Variants in NEDD4 observed in about 807,000 individuals in gnomAD.
NEDD4 encodes NEDD4 E3 ubiquitin protein ligase, also known as E3 ubiquitin-protein ligase NEDD4.
Under a neutral mutation model 144.9 loss-of-function variants are expected in NEDD4, and 99 were observed. The ratio of observed to expected loss-of-function variants is 0.68; its 90% confidence interval spans 0.58 to 0.81. NEDD4 has a LOEUF of 0.81. Among genes scored for constraint, NEDD4 ranks in the 30% least tolerant of loss-of-function variants. The pLI is 0.00. For synonymous variants in NEDD4, 318 were observed against 350.6 expected (o/e 0.91, Z 1.04); for missense variants, 985 against 1,065.9 (o/e 0.92, Z 1.06).
intron 5 of NEDD4, among the ~76,000 whole-genome samples, chr15:55,899,393 A>G (rs1278348252): frequency 5.9e-5 from 9 of 152,246 alleles, no homozygotes; most frequent in African/African-American, 2.2e-4. Flanking sequence ...TGATCTATAA[A>G]CAGTTTTTAA....
At chr15:55,981,222 T>C (rs2037798345) in intron 1 of NEDD4, among the ~76,000 whole-genome samples, 1 of 152,018 alleles carries the variant, frequency 6.6e-6, no homozygotes, top group Admixed American at 6.6e-5. Context: ...CTTGTATTTT[T>C]AGTAGAGACA....
In NEDD4 at chr15:55,852,404, G is replaced by C; in HGVS notation, c.1146+20C>G. ...CAGTTTAAATCCTGTAAGAAAGCAA[G>C]TTGATAGATTACAGGATACCTGTAC... On this transcript the variant is annotated intron_variant, in intron 13 of 28. Transcript: ENST00000435532. 1 of 1,597,866 alleles carries C rather than the reference G, an allele frequency of 6.3e-7. No individual in the cohort carries two copies. The highest frequency in any genetic ancestry group is 8.5e-7 in the Non-Finnish European group (1 of 1,170,988).
At chr15:55,935,801 C>A (rs1036423998) in intron 4 of NEDD4, among the ~76,000 whole-genome samples, 9 of 145,834 alleles carry the variant, frequency 6.2e-5, no homozygotes, top group Non-Finnish European at 7.4e-5. Context: ...GAGTTGAGAT[C>A]GTGCCACTAC....
intron 5 of NEDD4, among the ~76,000 whole-genome samples, chr15:55,875,771 G>C (rs1442120471): frequency 2.6e-5 from 4 of 152,006 alleles, no homozygotes; most frequent in South Asian, 2.1e-4. Flanking sequence ...GGAACTTGTG[G>C]AAAAATTTCA....
chr15:55,848,744 C>A (rs2033854085), intron 15 of NEDD4, 62 bp downstream of exon 15: 2 of 1,462,342 alleles, frequency 1.4e-6, no homozygotes, highest in South Asian at 1.2e-5. Flanking sequence ...AAATACTATA[C>A]CCGAAAATGC....
rs750324121 is a variant in NEDD4 at position 55,924,730 on chromosome 15, A to C, written c.238-31T>G. 1.9e-6 allele frequency: 3 copies of C among 1,584,188 alleles called. No individual in the cohort carries two copies. The African/African-American group carries it at 4.0e-5, about 21-fold the overall frequency. ...AAAAACACAATCTTTATTTAAAAAC[A>C]AGTAAACATCAACCCACAGATACTC... On this transcript the variant is annotated intron_variant, in intron 4 of 28. Coordinates refer to ENST00000435532, the MANE Select transcript of NEDD4 (RefSeq NM_006154.4).
chr15:55,923,655 A>T lies in NEDD4; in HGVS notation c.291+991T>A, dbSNP rs930776758. 4.2e-3 allele frequency among the ~76,000 whole-genome samples: 570 copies of T among 134,998 alleles called. 4 individuals carry two copies. The highest frequency in any genetic ancestry group is 0.016 in the African/African-American group (535 of 34,412). The allele number at this position is 134,998 out of a possible 152,430, so 88.6% of individuals were successfully genotyped here. The stretch of plus-strand genomic sequence containing the variant: ...AGCGAGACTCCATCTCAAAAAAAAA[A>T]AAAAATATATATATATATAGCAAGT... On this transcript the variant is annotated intron_variant, in intron 5 of 28. Transcript: ENST00000435532.
intron 5 of NEDD4, among the ~76,000 whole-genome samples, chr15:55,902,123 G>A (rs1440038548): frequency 6.6e-6 from 1 of 152,036 alleles, no homozygotes; most frequent in Admixed American, 6.6e-5. Flanking sequence ...CTAATCTCTT[G>A]GTTTTAGGTT....
In NEDD4 at chr15:55,872,475, G is replaced by A; in HGVS notation, c.344C>T (p.Thr115Ile). The A allele has an allele frequency of 2.1e-6, 3 of 1,423,486 alleles. No homozygotes were observed. Among genetic ancestry groups the A allele is most frequent in the Non-Finnish European group, 2.8e-6 (3 of 1,062,400 alleles). The allele number at this position is 1,423,486 out of a possible 1,614,324, so 88.2% of individuals were successfully genotyped here. The change falls in exon 7 of 29, where the codon ACA becomes ATA. Residue 115 changes from threonine to isoleucine, a missense_variant and splice_region_variant. Thr to Ile is a moderately conservative substitution (Grantham distance 89). Transcript: ENST00000435532. ...TGGTCTCTCCAATCTTGGATTTTCT[G>A]TCTAGAATAAAATAGTGGGTTTTCA... The part of the protein sequence containing the change: ...QVDVPLYPLP[T>I]ENPRLERPYT...
At chr15:55,936,435 C>T (rs2036891251) in intron 4 of NEDD4, among the ~76,000 whole-genome samples, 1 of 151,674 alleles carries the variant, frequency 6.6e-6, no homozygotes, top group Non-Finnish European at 1.5e-5. Flanking sequence ...AAAAAAAACA[C>T]ATAGGAAATC....
At chr15:55,857,771 C>A (rs1259861612) in intron 11 of NEDD4, among the ~76,000 whole-genome samples, 1 of 151,952 alleles carries the variant, frequency 6.6e-6, no homozygotes, top group Non-Finnish European at 1.5e-5. Flanking sequence ...CAAGTCTTTA[C>A]AAAAATTTTT....
At chr15:55,971,436 C>G (rs1197324006) in intron 1 of NEDD4, among the ~76,000 whole-genome samples, 1 of 151,888 alleles carries the variant, frequency 6.6e-6, no homozygotes, top group African/African-American at 2.4e-5. Flanking sequence ...ACTAGTCTGT[C>G]CAACATGGTT....
intron 8 of NEDD4, among the ~76,000 whole-genome samples, chr15:55,864,710 A>C (rs1349224881): frequency 2.7e-5 from 4 of 150,640 alleles, no homozygotes; most frequent in African/African-American, 9.7e-5. Flanking sequence ...AAAAGATACG[A>C]GGCAACTCTC....
intron 18 of NEDD4, among the ~76,000 whole-genome samples, chr15:55,846,463 C>G (rs986594486): frequency 6.6e-6 from 1 of 152,154 alleles, no homozygotes; most frequent in South Asian, 2.1e-4. Context: ...GTGAACATAA[C>G]TGATAAGCAT....
chr15:55,903,845 C>CACATAT (rs1162581511), intron 5 of NEDD4, among the ~76,000 whole-genome samples: 135 of 122,320 alleles, frequency 1.1e-3, no homozygotes, highest in Middle Eastern at 4.9e-3. Flanking sequence ...AAAAAACACA[C>CACATAT]ATATATATAT....
chr15:55,912,984 T>G (rs74015335), intron 5 of NEDD4, among the ~76,000 whole-genome samples: 2,960 of 152,212 alleles, frequency 0.019, 115 homozygotes, highest in African/African-American at 0.068. Flanking sequence ...GTAAAAGTTC[T>G]CATTAGATTT....
At chr15:55,935,346 T>C (rs1411956230) in intron 4 of NEDD4, among the ~76,000 whole-genome samples, 1 of 152,180 alleles carries the variant, frequency 6.6e-6, no homozygotes, top group African/African-American at 2.4e-5. Context: ...AGAATTATAA[T>C]TTTATTCAAA....
At chr15:55,904,845 C>T (rs2036033102) in intron 5 of NEDD4, among the ~76,000 whole-genome samples, 1 of 151,988 alleles carries the variant, frequency 6.6e-6, no homozygotes, top group African/African-American at 2.4e-5. Context: ...GTAATCCCAG[C>T]ACTTTGGGAG....
intron 4 of NEDD4, among the ~76,000 whole-genome samples, chr15:55,948,774 C>T (rs1595868653): frequency 6.6e-6 from 1 of 152,122 alleles, no homozygotes; most frequent in African/African-American, 2.4e-5. Context: ...AAACTAGATC[C>T]CTTCCTTACA....
Sources: allele counts gnomAD v4.1 joint callset (sites outside exome capture counted in the v4.1 genomes callset), GRCh38; gene constraint gnomAD v4.1.1; transcripts MANE v1.5; gene names NCBI Gene and HGNC (gene_info 2026-07-23, HGNC 2026-07-21).